The following OTOA variants were observed in gnomAD, a reference collection of about 807,000 sequenced individuals.
OTOA encodes the protein cancer/testis antigen 108.
A neutral mutation model predicts 110.8 loss-of-function variants in OTOA; 70 were observed. The ratio of observed to expected loss-of-function variants is 0.63; its 90% CI spans 0.52 to 0.77. The LOEUF (loss-of-function observed/expected upper bound fraction) is 0.77. OTOA is among the 30% of genes least tolerant of loss of function. The pLI is 0.00. For synonymous variants in OTOA, 373 were observed against 431.5 expected, an observed-to-expected ratio of 0.86 and a Z score of 1.68; for missense variants, 917 against 1,075.8, an observed-to-expected ratio of 0.85 and a Z score of 2.06.
At chr16:21,725,562 C>T (rs1815059721) in intron 18 of OTOA, among the ~76,000 whole-genome samples, 1 of 152,022 alleles carries the variant, frequency 6.6e-6, no homozygotes, top group Non-Finnish European at 1.5e-5. Flanking sequence ...GGGATTATAG[C>T]TGTGAGCCAC....
chr16:21,717,224 G>A (rs746450261), intron 15 of OTOA, among the ~76,000 whole-genome samples, 177 bp downstream of exon 15: 14 of 152,058 alleles, frequency 9.2e-5, no homozygotes, highest in Admixed American at 3.3e-4. Context: ...ATCGCTTGAC[G>A]CCAGGAGTTC....
At chr16:21,715,684 A>G (rs1284870988) in intron 14 of OTOA, among the ~76,000 whole-genome samples, 1 of 151,590 alleles carries the variant, frequency 6.6e-6, no homozygotes, top group Non-Finnish European at 1.5e-5. Flanking sequence ...TGTCTGGCTA[A>G]TTTATTAATT....
intron 1 of OTOA, among the ~76,000 whole-genome samples, chr16:21,665,138 TGGTTCA>T (rs1327563679): frequency 3.3e-5 from 5 of 152,238 alleles, no homozygotes; most frequent in Non-Finnish European, 5.9e-5. Flanking sequence ...GGTTAAGGTT[TGGTTCA>T]GGTTAAAGCT....
At chr16:21,723,095 G>A in intron 18 of OTOA, 117 bp downstream of exon 18, 3 of 1,028,750 alleles carry the variant, frequency 2.9e-6, no homozygotes, top group Non-Finnish European at 3.0e-6. Flanking sequence ...CAGAGTGGAG[G>A]ATGCCTTAGA....
Position 21,730,935 on chromosome 16 carries a change from T to C in OTOA, c.2301+5T>C, listed in dbSNP as rs1394116799. The C allele has an allele frequency of 7.0e-7, 1 of 1,427,504 alleles. No homozygotes were observed. The highest frequency in any genetic ancestry group is 1.7e-5 in the Admixed American group (1 of 58,882). 88.4% of individuals were successfully genotyped at this position (1,427,504 alleles called of 1,614,324 possible). A position where few individuals can be genotyped will look rare whatever the true frequency, so the allele number is the denominator to read the frequency against. ...TTAAGCTCTATAGCCACAAAGGTAA[T>C]GTTGTGCTCCATCTTAAGAAGGCTG... On this transcript the variant is annotated splice_donor_5th_base_variant and intron_variant, in intron 21 of 28. Coordinates refer to ENST00000646100, the MANE Select transcript of OTOA (RefSeq NM_144672.4).
At chr16:21,731,774 A>G (rs1209769457) in intron 21 of OTOA, among the ~76,000 whole-genome samples, 1 of 152,092 alleles carries the variant, frequency 6.6e-6, no homozygotes, top group Non-Finnish European at 1.5e-5. Flanking sequence ...AAGCACATCC[A>G]CACACTCTCA....
intron 13 of OTOA, among the ~76,000 whole-genome samples, chr16:21,710,943 C>G (rs1235043318): frequency 6.6e-6 from 1 of 152,152 alleles, no homozygotes; most frequent in Non-Finnish European, 1.5e-5. Flanking sequence ...GCAGAGGTTG[C>G]AGTGAGCAGA....
At chr16:21,697,568 G>T (rs1897969060) in intron 9 of OTOA, among the ~76,000 whole-genome samples, 1 of 152,124 alleles carries the variant, frequency 6.6e-6, no homozygotes. Flanking sequence ...GCAGGCGGAG[G>T]TTGAGATGAG....
At chr16:21,733,870 G>T (rs986333656) in intron 21 of OTOA, among the ~76,000 whole-genome samples, 1 of 152,148 alleles carries the variant, frequency 6.6e-6, no homozygotes, top group East Asian at 1.9e-4. Context: ...CACGATTTCG[G>T]CTCACTGCAA....
At chr16:21,678,667 A>ATTCCC (rs1966868171) in intron 2 of OTOA, 62 bp downstream of exon 2, 1 of 1,439,286 alleles carries the variant, frequency 6.9e-7, no homozygotes, top group Non-Finnish European at 9.8e-7. Flanking sequence ...ATGAGGTGGG[A>ATTCCC]TAGATACATT....
In OTOA at chr16:21,749,601, A is replaced by C. The variant is rs1174298262; in HGVS notation, c.2776-2334A>C. Among the ~76,000 whole-genome samples the C allele has an allele frequency of 7.6e-5, 11 of 143,904 alleles. No homozygotes were observed. The East Asian group carries it at 2.4e-3, about 31-fold the overall frequency. 94.4% of individuals were successfully genotyped at this position (143,904 alleles called of 152,430 possible). On this transcript the variant is annotated intron_variant, in intron 24 of 28. Transcript: ENST00000646100. ...TAGCCTGTGATTTTCGCTTCCACTT[A>C]GGGGTCTCTCCTTGGATGTCTCCTC...
chr16:21,695,656 A>G (rs1897916770), intron 9 of OTOA, among the ~76,000 whole-genome samples: 1 of 151,548 alleles, frequency 6.6e-6, no homozygotes. Flanking sequence ...TGATTTCTCC[A>G]TCTTGTTTTG....
At chr16:21,706,920 A>T (rs1001197917) in intron 12 of OTOA, among the ~76,000 whole-genome samples, 1 of 150,152 alleles carries the variant, frequency 6.7e-6, no homozygotes, top group Non-Finnish European at 1.5e-5. Flanking sequence ...GCTCACTGCA[A>T]CCTCCACCTT....
chr16:21,699,283 G>A (rs556143152), intron 10 of OTOA, among the ~76,000 whole-genome samples: 9 of 152,210 alleles, frequency 5.9e-5, no homozygotes, highest in South Asian at 4.1e-4. Flanking sequence ...CAAAGAGTAC[G>A]ATCCACAAAG....
chr16:21,677,177 A>G (rs917783443), intron 1 of OTOA, among the ~76,000 whole-genome samples: 1 of 152,184 alleles, frequency 6.6e-6, no homozygotes, highest in African/African-American at 2.4e-5. Context: ...CTTTGTGTAG[A>G]CATGTTTTCA....
chr16:21,664,974 G>T (rs1215197796), intron 1 of OTOA, among the ~76,000 whole-genome samples: 2 of 142,664 alleles, frequency 1.4e-5, no homozygotes, highest in African/African-American at 5.5e-5. Flanking sequence ...TCTGTCTCAT[G>T]AATGAATAAA....
chr16:21,681,652 C>T (rs1438992217), intron 5 of OTOA, 86 bp from the exon 6 acceptor site: 19 of 1,134,210 alleles, frequency 1.7e-5, no homozygotes, highest in Non-Finnish European at 2.3e-5. Flanking sequence ...TCCATCCCTA[C>T]CTGTCCCCTG....
chr16:21,668,709 G>A (rs1034893680), intron 1 of OTOA, among the ~76,000 whole-genome samples: 3 of 151,836 alleles, frequency 2.0e-5, no homozygotes, highest in Non-Finnish European at 4.4e-5. Flanking sequence ...TGATCTGCCC[G>A]CCTCGGCCTC....
At chr16:21,726,765 A>T (rs931343440) in intron 19 of OTOA, 107 bp downstream of exon 19, 36 of 1,464,702 alleles carry the variant, frequency 2.5e-5, no homozygotes, top group Non-Finnish European at 3.1e-5. Context: ...TGATGGCCAG[A>T]AGTCTGACTG....
Sources: gnomAD v4.1 joint callset for allele counts (sites outside exome capture counted in the v4.1 genomes callset) on GRCh38, gnomAD v4.1.1 for gene constraint, MANE v1.5 for transcripts, NCBI Gene and HGNC (gene_info 2026-07-23, HGNC 2026-07-21) for gene names.